IGFL4: variants seen among roughly 807,000 people sequenced by gnomAD.
The protein encoded by IGFL4 is IGF like family member 4, also known as insulin growth factor-like family member 4.
Under a neutral mutation model 15.4 loss-of-function variants are expected in IGFL4, and 12 were observed. That is an observed-to-expected ratio of 0.78 (90% confidence interval 0.50 to 1.26). The LOEUF is 1.26. Ranked by LOEUF, IGFL4 falls within the 50% of genes most tolerant of loss-of-function variation. The probability of loss-of-function intolerance (pLI) is 0.00; values close to 1 mark genes in which losing one functional copy is unlikely to be tolerated. For synonymous variants in IGFL4, 54 were observed against 55.9 expected (o/e 0.97, Z 0.16); for missense variants, 126 against 147.8 (o/e 0.85, Z 0.76).
chr19:46,047,754 G>A (rs113231764), intron 2 of IGFL4, among the ~76,000 whole-genome samples: 18 of 152,190 alleles, frequency 1.2e-4, no homozygotes, highest in African/African-American at 4.1e-4. Flanking sequence ...GACCAATTAT[G>A]ATTTCCGAAA....
chr19:46,067,569 C>T (rs888869622), intron 1 of IGFL4, among the ~76,000 whole-genome samples: 2 of 152,186 alleles, frequency 1.3e-5, no homozygotes, highest in East Asian at 1.9e-4. Flanking sequence ...GATGACTGCA[C>T]ATAAGTCTCA....
intron 1 of IGFL4, among the ~76,000 whole-genome samples, chr19:46,075,048 T>C (rs1180819010): frequency 6.7e-6 from 1 of 149,544 alleles, no homozygotes; most frequent in Non-Finnish European, 1.5e-5. Flanking sequence ...TGTGGCTATC[T>C]TAAACCTACC....
At chr19:46,045,843 A>G (rs1318268829), upstream of IGFL4, among the ~76,000 whole-genome samples, 1 of 152,234 alleles carries the variant, frequency 6.6e-6, no homozygotes, top group Non-Finnish European at 1.5e-5. Context: ...AACATACTCC[A>G]GGATATCATC....
At position 46,065,708 on chromosome 19, in the gene IGFL4, C is replaced by T. The variant is rs116290400; in HGVS notation, c.-431-5415G>A. On this transcript the variant is annotated intron_variant, in intron 1 of 5. Coordinates refer to the IGFL4 transcript ENST00000601672. ...GAATGAGTCAGATTCCAATCCGGGC[C>T]TTAGCCCCAGGATATTGTCCACAGA... is the stretch of plus-strand genomic sequence containing the variant. 5.7e-3 allele frequency among the ~76,000 whole-genome samples: 874 copies of T among 152,346 alleles called. 7 individuals are homozygous for T. The highest frequency in any genetic ancestry group is 0.02 in the African/African-American group (824 of 41,582).
At chr19:46,061,138 C>T (rs1205255156) in intron 1 of IGFL4, among the ~76,000 whole-genome samples, 1 of 152,184 alleles carries the variant, frequency 6.6e-6, no homozygotes, top group African/African-American at 2.4e-5. Context: ...TCATAACTTG[C>T]TTAAACCTTC....
chr19:46,068,001 C>CT (rs1316622034), intron 1 of IGFL4, among the ~76,000 whole-genome samples: 1 of 152,210 alleles, frequency 6.6e-6, no homozygotes, highest in African/African-American at 2.4e-5. Flanking sequence ...GGTGTGAACT[C>CT]TGACTGCACC....
upstream of IGFL4, among the ~76,000 whole-genome samples, chr19:46,077,436 G>T (rs1204337817): frequency 6.6e-6 from 1 of 152,110 alleles, no homozygotes; most frequent in Non-Finnish European, 1.5e-5. The surrounding 1 kb of genome is among the most constrained non-coding windows in gnomAD (Gnocchi z 5.4). Context: ...GCCTGACATT[G>T]AAAAAGACTG....
intron 1 of IGFL4, among the ~76,000 whole-genome samples, chr19:46,067,012 G>T (rs149367948): frequency 2.7e-4 from 41 of 152,310 alleles, no homozygotes; most frequent in African/African-American, 9.6e-4. Flanking sequence ...TCACTGGAGA[G>T]ATTTGGGAGT....
chr19:46,060,651 T>A (rs1322056711), intron 1 of IGFL4, among the ~76,000 whole-genome samples: 1 of 152,210 alleles, frequency 6.6e-6, no homozygotes, highest in Non-Finnish European at 1.5e-5. Context: ...TGGCACACAA[T>A]AATTTAACAT....
rs1294217721 is a variant in IGFL4, at chr19:46,040,342, C to G, written c.145G>C (p.Asp49His). Residue 49 changes from aspartate to histidine, a missense_variant, in exon 3 of 4, where the codon GAT becomes CAT. By Grantham distance (81) the Asp-to-His change is moderately conservative. Transcript: ENST00000377697. This position sits in a 1 kb window ranked among gnomAD's most constrained non-coding sequence, Gnocchi z 4.1. ...WTYNPLEQCC[D>H]DGVILDLNQT... Reference sequence around the variant, plus strand: ...TTCAAGTCTAGGATGACACCGTCATCACAGCACTGCTCCAAGGGGTTGTAG... The same window carrying G: ...TTCAAGTCTAGGATGACACCGTCATGACAGCACTGCTCCAAGGGGTTGTAG... The G allele has an allele frequency of 6.2e-7, 1 of 1,614,082 alleles. No individual in the cohort carries two copies. Among genetic ancestry groups the G allele is most frequent in the Non-Finnish European group, 8.5e-7 (1 of 1,180,020 alleles).
chr19:46,045,863 T>G (rs548761495), upstream of IGFL4, among the ~76,000 whole-genome samples: 518 of 152,242 alleles, frequency 3.4e-3, no homozygotes, highest in Non-Finnish European at 6.4e-3. Flanking sequence ...CCAGGAGAAC[T>G]TCCCCAAACT....
At chr19:46,044,885 A>G (rs1457613387), upstream of IGFL4, among the ~76,000 whole-genome samples, 1 of 116,302 alleles carries the variant, frequency 8.6e-6, no homozygotes, top group Non-Finnish European at 2.1e-5. Flanking sequence ...GCCCTGTGGA[A>G]TAGTGGCCTG....
chr19:46,042,896 T>C (rs116947721), upstream of IGFL4, among the ~76,000 whole-genome samples: 2,074 of 152,302 alleles, frequency 0.014, 16 homozygotes, highest in Non-Finnish European at 0.023. Flanking sequence ...AGTGATGCTG[T>C]AGCAGCTTCC....
intron 2 of IGFL4, among the ~76,000 whole-genome samples, chr19:46,051,892 G>C (rs1969348241): frequency 6.6e-6 from 1 of 151,856 alleles, no homozygotes; most frequent in African/African-American, 2.4e-5. Context: ...AGACAAAAAG[G>C]GATATTATAT....
Position 46,040,701 on chromosome 19 carries a change from C to A in IGFL4, c.20-133G>T. On this transcript the variant is annotated intron_variant, in intron 1 of 3. Transcript: ENST00000377697. The surrounding 1 kb of genome is among the most constrained non-coding windows in gnomAD (Gnocchi z 4.1). ...TGGATTTTGGGACTGGCTGTGGGTG[C>A]AGGTCCTGGGGACTGGGCTTGGCAG... 9.1e-7 allele frequency: 1 copy of A among 1,103,286 alleles called. No homozygotes were observed. The highest frequency in any genetic ancestry group is 1.3e-5 in the South Asian group (1 of 74,606). 68.3% of individuals were successfully genotyped at this position (1,103,286 alleles called of 1,614,324 possible). A position where few individuals can be genotyped will look rare whatever the true frequency, so the allele number is the denominator to read the frequency against.
At position 46,040,435 on chromosome 19, in the gene IGFL4, G is replaced by A. The variant is rs1969229558; in HGVS notation, c.71-19C>T. 2.5e-6 allele frequency: 4 copies of A among 1,613,566 alleles called. No homozygotes were observed. In the South Asian group the frequency reaches 4.4e-5, roughly 18 times the overall value. ...CTAAGATCTGGAAGAGTCGGGGCTG[G>A]ATGGGCTGCAAGGACCAGCCTAGGA... On this transcript the variant is annotated intron_variant, in intron 2 of 3. Coordinates refer to ENST00000377697, the MANE Select transcript of IGFL4 (RefSeq NM_001002923.3). This position sits in a 1 kb window ranked among gnomAD's most constrained non-coding sequence, Gnocchi z 4.1.
Position 46,040,175 on chromosome 19 carries a change from G to T in IGFL4, c.312C>A (p.Ile104=). The change falls in exon 3 of 4, where the codon ATC becomes ATA. Residue 104 remains isoleucine, a synonymous_variant. Coordinates refer to ENST00000377697, the MANE Select transcript of IGFL4 (RefSeq NM_001002923.3). This position sits in a 1 kb window ranked among gnomAD's most constrained non-coding sequence, Gnocchi z 4.1. Reference sequence around the variant, plus strand: ...TCCTTACCTGGGCACAGATCCTGGTGATAGGGGAGGACTTGCAATCTGGCT... The same window carrying T: ...TCCTTACCTGGGCACAGATCCTGGTTATAGGGGAGGACTTGCAATCTGGCT... ...GMKPDCKSSP[I]TRICAQEYHP... is the part of the protein sequence containing the mutation. 1 of 1,613,934 alleles carries T rather than the reference G, an allele frequency of 6.2e-7. No individual in the cohort carries two copies. The highest frequency in any genetic ancestry group is 8.5e-7 in the Non-Finnish European group (1 of 1,180,034).
chr19:46,062,329 A>G (rs562419128), intron 1 of IGFL4, among the ~76,000 whole-genome samples: 1 of 152,310 alleles, frequency 6.6e-6, no homozygotes, highest in African/African-American at 2.4e-5. Flanking sequence ...ATAAACCAGA[A>G]AGCACTGATT....
upstream of IGFL4, among the ~76,000 whole-genome samples, chr19:46,045,460 A>AT (rs1969289868): frequency 6.6e-6 from 1 of 151,702 alleles, no homozygotes; most frequent in Non-Finnish European, 1.5e-5. Flanking sequence ...AAAAAAGAAA[A>AT]AGATGGGTAA....
Sources: gnomAD v4.1 joint callset for allele counts (sites outside exome capture counted in the v4.1 genomes callset) on GRCh38, gnomAD v4.1.1 for gene constraint, Gnocchi (gnomAD v3.1) non-coding constraint, MANE v1.5 for transcripts, NCBI Gene and HGNC (gene_info 2026-07-23, HGNC 2026-07-21) for gene names.